ARAP1: variants seen among roughly 807,000 people sequenced by gnomAD.
ARAP1 encodes the protein arf-GAP with Rho-GAP domain, ANK repeat and PH domain-containing protein 1.
In ARAP1, 76 loss-of-function variants were observed where a neutral mutation model predicts 172.2. The ratio of observed to expected loss-of-function variants is 0.44; its 90% confidence interval spans 0.37 to 0.53. ARAP1 has a LOEUF of 0.53. ARAP1 is among the 20% of genes least tolerant of loss of function. The pLI is 0.00. For synonymous variants in ARAP1, 804 were observed against 803.3 expected, an observed-to-expected ratio of 1.00 and a Z score of -0.01; for missense variants, 1,686 against 1,977.5, an observed-to-expected ratio of 0.85 and a Z score of 2.80.
chr11:72,706,258 T>C (rs978523236), intron 12 of ARAP1, among the ~76,000 whole-genome samples: 3 of 152,176 alleles, frequency 2.0e-5, no homozygotes, highest in African/African-American at 4.8e-5. Flanking sequence ...TCACAACTCC[T>C]TACCTGCTTC....
intron 32 of ARAP1, 79 bp from the exon 33 acceptor site, chr11:72,687,581 G>A (rs938523856): frequency 1.1e-5 from 17 of 1,612,658 alleles, no homozygotes; most frequent in Non-Finnish European, 1.4e-5. Context: ...TCCCAGCCCA[G>A]GGTCTGCTAG....
At chr11:72,700,719 G>A (rs929984890) in intron 16 of ARAP1, among the ~76,000 whole-genome samples, 4 of 152,226 alleles carry the variant, frequency 2.6e-5, no homozygotes, top group African/African-American at 9.6e-5. Context: ...GAAAATGCAG[G>A]GTAGCCAGGC....
Position 72,702,992 on chromosome 11 carries a change from C to T in ARAP1, c.2080G>A (p.Asp694Asn), listed in dbSNP as rs145937615. 44 of 1,571,780 alleles carry T rather than the reference C, an allele frequency of 2.8e-5. No individual in the cohort carries two copies. The highest frequency in any genetic ancestry group is 2.0e-4 in the South Asian group (17 of 85,352). The change falls in exon 15 of 35, where the codon GAC becomes AAC. Residue 694 changes from aspartate (D) to asparagine (N), a missense_variant. This residue lies in a region of ARAP1 where 688 missense variants were observed against 856.9 expected (regional missense o/e 0.80). Transcript: ENST00000393609. Reference protein sequence around the residue: ...CGAGINCFSGDPEAPTPLALA... With the variant: ...CGAGINCFSGNPEAPTPLALA... ...GCCAGGGGCGTGGGGGCCTCAGGGT[C>T]CCCCGAGAAGCAGTTGATCCCAGCC...
intron 3 of ARAP1, among the ~76,000 whole-genome samples, chr11:72,720,965 C>T (rs906593161): frequency 9.2e-5 from 14 of 152,272 alleles, no homozygotes; most frequent in African/African-American, 2.6e-4. Flanking sequence ...CATGGCAGCT[C>T]TAAGCGCTTC....
At chr11:72,717,551 C>G (rs1239813210) in intron 3 of ARAP1, among the ~76,000 whole-genome samples, 1 of 152,244 alleles carries the variant, frequency 6.6e-6, no homozygotes, top group Non-Finnish European at 1.5e-5. Context: ...CTGTCCTGAT[C>G]AACTGCGACG....
chr11:72,685,538 GT>G lies in ARAP1; in HGVS notation c.*125del. 4.5e-6 allele frequency: 6 copies of G among 1,325,308 alleles called. No individual in the cohort carries two copies. The highest frequency in any genetic ancestry group is 6.5e-6 in the Non-Finnish European group (6 of 925,098). The allele number at this position is 1,325,308 out of a possible 1,614,324, so 82.1% of individuals were successfully genotyped here. A position where few individuals can be genotyped will look rare whatever the true frequency, so the allele number is the denominator to read the frequency against. ...CCATGCTGCAGTCAGGATGGAGGAT[GT>G]GGGTTGTGGGGTGCAGTTTCCCATG... On this transcript the variant is annotated 3_prime_UTR_variant, in exon 35 of 35. Transcript: ENST00000393609.
chr11:72,685,750 G>A (rs1045943544), intron 34 of ARAP1, 69 bp from the exon 35 acceptor site: 144 of 1,576,442 alleles, frequency 9.1e-5, no homozygotes, highest in Admixed American at 1.3e-4. Flanking sequence ...CGCTGAAGCT[G>A]CTGCAGCTGC....
At chr11:72,697,221 C>A (rs2306614) in intron 21 of ARAP1, 26 bp from the exon 22 acceptor site, 4 of 1,446,180 alleles carry the variant, frequency 2.8e-6, no homozygotes, top group Non-Finnish European at 3.7e-6. Context: ...GCCAAGCGTT[C>A]GGGGCCTGAG....
At chr11:72,737,353 A>G (rs970366320) in intron 1 of ARAP1, among the ~76,000 whole-genome samples, 15 of 152,154 alleles carry the variant, frequency 9.9e-5, no homozygotes, top group African/African-American at 3.6e-4. Context: ...TCTTGCTGGA[A>G]CCAAAACTTT....
chr11:72,693,783 C>A lies in ARAP1; in HGVS notation c.3717G>T (p.Glu1239Asp). The A allele has an allele frequency of 6.2e-7, 1 of 1,607,664 alleles. No homozygotes were observed. The highest frequency in any genetic ancestry group is 1.1e-5 in the South Asian group (1 of 89,972). Reference protein sequence around the residue: ...EEAERPLHFAEKVLPILHGLG... With the variant: ...EEAERPLHFADKVLPILHGLG... ...GCCCGTGCAGGATGGGCAGCACCTT[C>A]TCCGCAAAGTGCAGGGGGCGCTCTG... The change falls in exon 28 of 35, where the codon GAG becomes GAT. Residue 1239 changes from glutamate (E) to aspartate (D), a missense_variant. Coordinates refer to ENST00000393609, the MANE Select transcript of ARAP1 (RefSeq NM_001040118.3). This position sits in a 1 kb window ranked among gnomAD's most constrained non-coding sequence, Gnocchi z 4.6.
Position 72,726,562 on chromosome 11 carries a change from A to G in ARAP1, c.509+58T>C. 6.9e-7 allele frequency: 1 copy of G among 1,448,022 alleles called. No individual in the cohort carries two copies. Among genetic ancestry groups the G allele is most frequent in the South Asian group, 1.4e-5 (1 of 70,340 alleles). 89.7% of individuals were successfully genotyped at this position (1,448,022 alleles called of 1,614,324 possible). Reference sequence around the variant, plus strand: ...CAGCACCAAAGGCCACAAACTCCCCATCTACCCTCTGGGATCCTCTGCCTG... The same window carrying G: ...CAGCACCAAAGGCCACAAACTCCCCGTCTACCCTCTGGGATCCTCTGCCTG... On this transcript the variant is annotated intron_variant, in intron 3 of 34. Transcript: ENST00000393609. This position sits in a 1 kb window ranked among gnomAD's most constrained non-coding sequence, Gnocchi z 6.5.
At chr11:72,721,818 A>G in intron 3 of ARAP1, 1 of 985,814 alleles carries the variant, frequency 1.0e-6, no homozygotes, top group Non-Finnish European at 1.2e-6. Flanking sequence ...CGTGCCCAAC[A>G]GCAACAACAG....
intron 1 of ARAP1, among the ~76,000 whole-genome samples, chr11:72,736,237 A>G (rs1035250523): frequency 7.5e-6 from 1 of 134,196 alleles, no homozygotes; most frequent in East Asian, 2.3e-4. Context: ...CATTTTAGTT[A>G]CCTTTTTTTT....
chr11:72,709,950 G>A lies in ARAP1; in HGVS notation c.1443C>T (p.Thr481=), dbSNP rs1856935677. 1 of 1,614,118 alleles carries A rather than the reference G, an allele frequency of 6.2e-7. No individual in the cohort carries two copies. The highest frequency in any genetic ancestry group is 1.7e-5 in the Admixed American group (1 of 60,020). ...CGTTGCCCACGCTCATGTCGATGAA[G>A]GTGATGCCAATGCCCAGGTGGTACT... is the stretch of plus-strand genomic sequence containing the variant. ...LEEYHLGIGI[T]FIDMSVGNVK... is the part of the protein sequence containing the mutation. Residue 481 remains threonine, a synonymous_variant, in exon 11 of 35, where the codon ACC becomes ACT. Coordinates refer to ENST00000393609, the MANE Select transcript of ARAP1 (RefSeq NM_001040118.3).
intron 1 of ARAP1, among the ~76,000 whole-genome samples, chr11:72,735,120 ACAGGCTTG>A (rs1356333034): frequency 6.6e-6 from 1 of 152,054 alleles, no homozygotes; most frequent in Non-Finnish European, 1.5e-5. Flanking sequence ...ACCTGGGACT[ACAGGCTTG>A]CACCACCACG....
Position 72,741,064 on chromosome 11 carries a change from C to CCT in ARAP1, c.-127-8469_-127-8468dup, listed in dbSNP as rs1178371926. On this transcript the variant is annotated intron_variant, in intron 1 of 34. Coordinates refer to ENST00000393609, the MANE Select transcript of ARAP1 (RefSeq NM_001040118.3). The surrounding 1 kb of genome is among the most constrained non-coding windows in gnomAD (Gnocchi z 4.5). ...CAAAAAGCCTATCACATACTATGCCCCTCTGGCCCCACCACATACCCCCGA... is the reference window on the plus strand; with the variant it reads ...CAAAAAGCCTATCACATACTATGCCCCTCTCTGGCCCCACCACATACCCCCGA... 1.3e-5 allele frequency among the ~76,000 whole-genome samples: 2 copies of CCT among 152,226 alleles called. No homozygotes were observed.
At chr11:72,738,253 G>A (rs369452316) in intron 1 of ARAP1, among the ~76,000 whole-genome samples, 2 of 152,198 alleles carry the variant, frequency 1.3e-5, no homozygotes. Flanking sequence ...AGAGAGAAAG[G>A]CTCAATGGCT....
rs927185806 is a variant in ARAP1 at position 72,687,577 on chromosome 11, C to G, written c.4122-75G>C. On this transcript the variant is annotated intron_variant, in intron 32 of 34. Transcript: ENST00000393609. ...GGGAACACCGTGTCTGCCTTCCCAG[C>G]CCAGGGTCTGCTAGTGGTCACAGAT... 4 of 1,612,896 alleles carry G rather than the reference C, an allele frequency of 2.5e-6. No homozygotes were observed. In the African/African-American group the frequency reaches 5.3e-5, roughly 22 times the overall value.
At chr11:72,694,959 C>T (rs1463706404) in intron 27 of ARAP1, 21 bp downstream of exon 27, 1 of 1,606,058 alleles carries the variant, frequency 6.2e-7, no homozygotes, top group African/African-American at 1.3e-5. Flanking sequence ...CCACACCCTG[C>T]ACAAGCCCAG....
Sources: gnomAD v4.1 joint callset for allele counts (sites outside exome capture counted in the v4.1 genomes callset) on GRCh38, gnomAD v4.1.1 for gene constraint, gnomAD v4.1.1 regional missense constraint, Gnocchi (gnomAD v3.1) non-coding constraint, MANE v1.5 for transcripts, NCBI Gene and HGNC (gene_info 2026-07-23, HGNC 2026-07-21) for gene names.